Variants in DNAAF4 observed in about 807,000 individuals in gnomAD.
DNAAF4 encodes the protein dynein axonemal assembly factor 4, also known as dynein assembly factor 4, axonemal.
Under a neutral mutation model 51.8 loss-of-function variants are expected in DNAAF4, and 43 were observed. The ratio of observed to expected loss-of-function variants is 0.83; its 90% confidence interval spans 0.65 to 1.07. DNAAF4 has a LOEUF of 1.07. Ranked by LOEUF, DNAAF4 falls within the 50% of genes least tolerant of loss-of-function variation. DNAAF4 has a pLI of 0.00. For missense variants in DNAAF4, 581 were observed against 493.0 expected, an observed-to-expected ratio of 1.18 and a Z score of -1.69; for synonymous variants, 194 against 165.6, an observed-to-expected ratio of 1.17 and a Z score of -1.32.
chr15:55,448,675 C>A (rs932396169), intron 6 of DNAAF4, among the ~76,000 whole-genome samples: 26 of 151,758 alleles, frequency 1.7e-4, no homozygotes, highest in African/African-American at 5.6e-4. Context: ...TGAGACCATC[C>A]TGGCTAATAT....
chr15:55,462,751 T>A (rs548316703), intron 5 of DNAAF4, among the ~76,000 whole-genome samples: 22 of 152,154 alleles, frequency 1.4e-4, no homozygotes, highest in African/African-American at 5.1e-4. Flanking sequence ...ACACCATAAT[T>A]AAGTGGGTTT....
At chr15:55,492,547 CT>C (rs919481405) in intron 3 of DNAAF4, among the ~76,000 whole-genome samples, 39 of 147,506 alleles carry the variant, frequency 2.6e-4, no homozygotes, top group East Asian at 1.2e-3. Context: ...TTGTGATATA[CT>C]TTTTTTTTTT....
chr15:55,425,993 T>C (rs1007555122), downstream of DNAAF4, among the ~76,000 whole-genome samples: 1 of 152,192 alleles, frequency 6.6e-6, no homozygotes, highest in African/African-American at 2.4e-5. Flanking sequence ...TTATTACTAA[T>C]CAAATCAGAC....
intron 5 of DNAAF4, among the ~76,000 whole-genome samples, chr15:55,452,386 A>G (rs190853554): frequency 3.1e-3 from 471 of 152,072 alleles, no homozygotes; most frequent in Non-Finnish European, 4.1e-3. Context: ...GCAGGAAATC[A>G]TCACTATTAT....
At chr15:55,447,140 G>A (rs1232338788) in intron 6 of DNAAF4, among the ~76,000 whole-genome samples, 2 of 146,826 alleles carry the variant, frequency 1.4e-5, no homozygotes, top group Admixed American at 6.8e-5. Flanking sequence ...CTTCCCAGAC[G>A]GGGTGGCCAG....
intron 7 of DNAAF4, among the ~76,000 whole-genome samples, chr15:55,424,674 T>C (rs1426895515): frequency 1.3e-5 from 2 of 152,186 alleles, no homozygotes; most frequent in East Asian, 3.9e-4. Flanking sequence ...GCGATTCTCC[T>C]GCCTCAGCTT....
intron 7 of DNAAF4, among the ~76,000 whole-genome samples, chr15:55,420,937 C>T (rs765659062): frequency 6.6e-6 from 1 of 151,974 alleles, no homozygotes; most frequent in Non-Finnish European, 1.5e-5. Context: ...ACCTGTAATC[C>T]CAGCATTTTG....
intron 4 of DNAAF4, among the ~76,000 whole-genome samples, chr15:55,488,586 T>C (rs529188689): frequency 6.6e-6 from 1 of 152,172 alleles, no homozygotes; most frequent in South Asian, 2.1e-4. Context: ...ACCAATTTAC[T>C]TGATAATGGC....
chr15:55,421,187 C>CAAAA (rs35897132), intron 7 of DNAAF4, among the ~76,000 whole-genome samples: 29 of 110,254 alleles, frequency 2.6e-4, no homozygotes, highest in African/African-American at 3.2e-4. Flanking sequence ...GAGACTATCT[C>CAAAA]AAAAAAAAAA....
Position 55,454,827 on chromosome 15 carries a change from T to A in DNAAF4, c.638-4460A>T, listed in dbSNP as rs990787221. The stretch of plus-strand genomic sequence containing the variant: ...TGAACTTATACTAATGAACCCATAA[T>A]ATACCAAGGGAAAGAATTTTAAAAC... On this transcript the variant is annotated intron_variant, in intron 5 of 9. Transcript: ENST00000321149. Among the ~76,000 whole-genome samples, 28 of 152,056 alleles carry A rather than the reference T, an allele frequency of 1.8e-4. 1 individual carries two copies. The highest frequency in any genetic ancestry group is 1.3e-4 in the Admixed American group (2 of 15,252).
intron 4 of DNAAF4, among the ~76,000 whole-genome samples, chr15:55,483,833 C>CTTTTTTTTTTTTT (rs71105887): frequency 2.4e-5 from 2 of 82,494 alleles, no homozygotes; most frequent in African/African-American, 4.8e-5. Context: ...GCCAATAAAG[C>CTTTTTTTTTTTTT]TTTTTTTTTT....
chr15:55,494,505 G>A (rs1595956195), intron 3 of DNAAF4, among the ~76,000 whole-genome samples: 1 of 151,940 alleles, frequency 6.6e-6, no homozygotes, highest in African/African-American at 2.4e-5. Context: ...TCCACCACCC[G>A]GGTTCAAGCG....
chr15:55,420,931 G>A (rs1448287196), intron 7 of DNAAF4, among the ~76,000 whole-genome samples: 1 of 152,044 alleles, frequency 6.6e-6, no homozygotes, highest in African/African-American at 2.4e-5. Context: ...GCTTACACCT[G>A]TAATCCCAGC....
At chr15:55,495,618 C>T (rs1227296946) in intron 3 of DNAAF4, among the ~76,000 whole-genome samples, 1 of 152,064 alleles carries the variant, frequency 6.6e-6, no homozygotes, top group African/African-American at 2.4e-5. Flanking sequence ...ACCTGTAGTC[C>T]CTGCTACTCA....
In DNAAF4 at chr15:55,435,013, A is replaced by G. The variant is rs2057584798; in HGVS notation, c.939T>C (p.Tyr313=). The G allele has an allele frequency of 1.9e-6, 3 of 1,611,332 alleles. No homozygotes were observed. Among genetic ancestry groups the G allele is most frequent in the South Asian group, 1.1e-5 (1 of 90,062 alleles). The change falls in exon 8 of 10, where the codon TAT becomes TAC. Residue 313 remains tyrosine (Y), a synonymous_variant. Coordinates refer to ENST00000321149, the MANE Select transcript of DNAAF4 (RefSeq NM_130810.4). The stretch of plus-strand genomic sequence containing the variant: ...TATTATTTAGTCTTATGGCTAAATT[A>G]TATGCATTGATAGCTGCCAAATAGT... ...TENYLAAINA[Y]NLAIRLNNKM... is the part of the protein sequence containing the mutation.
intron 7 of DNAAF4, among the ~76,000 whole-genome samples, chr15:55,419,658 A>G (rs889610931): frequency 6.6e-6 from 1 of 152,194 alleles, no homozygotes; most frequent in Non-Finnish European, 1.5e-5. Context: ...AGACTGTACT[A>G]TGCAAATAGA....
At chr15:55,485,406 T>C (rs891983122) in intron 4 of DNAAF4, among the ~76,000 whole-genome samples, 6 of 152,234 alleles carry the variant, frequency 3.9e-5, no homozygotes, top group African/African-American at 1.4e-4. Context: ...AAACAGGGCA[T>C]GTGTATTCAC....
rs575812862 is a variant in DNAAF4, at chr15:55,455,967, C to G, written c.638-5600G>C. Among the ~76,000 whole-genome samples the G allele has an allele frequency of 4.5e-4, 69 of 151,830 alleles. 1 individual carries two copies. The South Asian group carries it at 8.7e-3, about 19-fold the overall frequency. The stretch of plus-strand genomic sequence containing the variant: ...ACCCAAGCAATAAAATCCCCTGGCA[C>G]ATAGTAGTCACCTAATAAATGTTAA... On this transcript the variant is annotated intron_variant, in intron 5 of 9. Coordinates refer to ENST00000321149, the MANE Select transcript of DNAAF4 (RefSeq NM_130810.4).
chr15:55,475,290 C>A (rs559108854), intron 4 of DNAAF4, among the ~76,000 whole-genome samples: 3 of 152,254 alleles, frequency 2.0e-5, no homozygotes, highest in South Asian at 2.1e-4. Context: ...AAGGATAAAA[C>A]TGGATAAAAT....
Sources: gnomAD v4.1 joint callset for allele counts (sites outside exome capture counted in the v4.1 genomes callset) on GRCh38, gnomAD v4.1.1 for gene constraint, MANE v1.5 for transcripts, NCBI Gene and HGNC (gene_info 2026-07-23, HGNC 2026-07-21) for gene names.